Variants in GPR39 observed in about 807,000 individuals in gnomAD.
GPR39 encodes G protein-coupled receptor 39.
In GPR39, 23 loss-of-function variants were observed where a neutral mutation model predicts 18.4. The observed-to-expected ratio is 1.25, with a 90% confidence interval of 0.90 to 1.77. The LOEUF (loss-of-function observed/expected upper bound fraction) is 1.77. GPR39 is among the 40% of genes most tolerant of loss of function. The pLI, the probability that GPR39 is intolerant of heterozygous loss-of-function variation, is 0.00. For synonymous variants in GPR39, 280 were observed against 257.9 expected, an observed-to-expected ratio of 1.09 and a Z score of -0.82; for missense variants, 647 against 602.4, an observed-to-expected ratio of 1.07 and a Z score of -0.78.
intron 1 of GPR39, among the ~76,000 whole-genome samples, chr2:132,463,407 C>T (rs1680867953): frequency 6.6e-6 from 1 of 150,656 alleles, no homozygotes; most frequent in South Asian, 2.1e-4. Context: ...TTAAGATTGT[C>T]TTCCTAAGAG....
intron 1 of GPR39, among the ~76,000 whole-genome samples, chr2:132,613,862 GTA>G (rs1423302490): frequency 1.3e-5 from 2 of 152,132 alleles, no homozygotes; most frequent in Non-Finnish European, 2.9e-5. Flanking sequence ...CTTCATGATT[GTA>G]TCCCCAGTGT....
intron 1 of GPR39, chr2:132,644,815 CA>C (rs1681963833): frequency 5.3e-6 from 2 of 380,656 alleles, no homozygotes. Context: ...CCAATGAAAA[CA>C]TTTTTTTAAA....
chr2:132,619,812 C>CACACAG (rs1230200156), intron 1 of GPR39, among the ~76,000 whole-genome samples: 14 of 145,804 alleles, frequency 9.6e-5, no homozygotes, highest in Middle Eastern at 3.5e-3. Flanking sequence ...CCCCAACATA[C>CACACAG]ACACAGACAC....
At chr2:132,424,144 G>A (rs1395777669) in intron 1 of GPR39, among the ~76,000 whole-genome samples, 1 of 152,162 alleles carries the variant, frequency 6.6e-6, no homozygotes, top group African/African-American at 2.4e-5. Context: ...CTTTAACCAT[G>A]TATATCTGCC....
intron 1 of GPR39, among the ~76,000 whole-genome samples, chr2:132,466,096 A>C (rs1680922807): frequency 6.6e-6 from 1 of 152,146 alleles, no homozygotes; most frequent in Non-Finnish European, 1.5e-5. Flanking sequence ...TGAGTCATTC[A>C]TGCTTAGCAT....
chr2:132,604,990 T>TA (rs1329720358), intron 1 of GPR39: 1 of 152,240 alleles, frequency 6.6e-6, no homozygotes, highest in African/African-American at 2.4e-5. Context: ...CAAAGTGCTT[T>TA]ACATATTCAT....
At chr2:132,475,768 A>T (rs942012466) in intron 1 of GPR39, among the ~76,000 whole-genome samples, 1 of 152,224 alleles carries the variant, frequency 6.6e-6, no homozygotes, top group African/African-American at 2.4e-5. Flanking sequence ...CTATGGATAC[A>T]GAATCTTTGC....
At chr2:132,463,283 T>C (rs1680865734) in intron 1 of GPR39, among the ~76,000 whole-genome samples, 1 of 151,262 alleles carries the variant, frequency 6.6e-6, no homozygotes, top group Non-Finnish European at 1.5e-5. Flanking sequence ...GGTTTCCTTA[T>C]ACAAGGCACT....
chr2:132,584,561 ACC>A (rs1044383434), intron 1 of GPR39, among the ~76,000 whole-genome samples: 10 of 151,366 alleles, frequency 6.6e-5, no homozygotes, highest in Admixed American at 5.9e-4. Context: ...TTCTGTACCC[ACC>A]CTGAGTCCCC....
chr2:132,444,303 T>G (rs1167568130), intron 1 of GPR39, among the ~76,000 whole-genome samples: 1 of 152,168 alleles, frequency 6.6e-6, no homozygotes, highest in Non-Finnish European at 1.5e-5. Flanking sequence ...TGGGAATTTT[T>G]TTTTTTAAAG....
chr2:132,565,506 C>T (rs142743637), intron 1 of GPR39, among the ~76,000 whole-genome samples: 12,777 of 148,608 alleles, frequency 0.086, 1,886 homozygotes, highest in African/African-American at 0.3. Flanking sequence ...TCCACTAACT[C>T]GTCATCTAGC....
intron 1 of GPR39, among the ~76,000 whole-genome samples, chr2:132,524,931 G>A (rs776610030): frequency 2.6e-5 from 4 of 151,936 alleles, no homozygotes; most frequent in Admixed American, 6.6e-5. Flanking sequence ...TCTGCGAATC[G>A]CTTTATACAG....
At chr2:132,469,027 G>C (rs922430197) in intron 1 of GPR39, among the ~76,000 whole-genome samples, 1 of 152,210 alleles carries the variant, frequency 6.6e-6, no homozygotes, top group Admixed American at 6.5e-5. Flanking sequence ...CTGAATCAAG[G>C]GCAGGAGTCA....
In GPR39 at chr2:132,621,730, C is replaced by T. The variant is rs183086215; in HGVS notation, c.857-23371C>T. 6.6e-5 allele frequency among the ~76,000 whole-genome samples: 10 copies of T among 152,318 alleles called. No homozygotes were observed. The East Asian group carries it at 9.7e-4, about 15-fold the overall frequency. On this transcript the variant is annotated intron_variant, in intron 1 of 1. Coordinates refer to ENST00000329321, the MANE Select transcript of GPR39 (RefSeq NM_001508.3). ...AGCCCAGCCAGCTGGTGTCTTTGGA[C>T]AAGCCTGTTTCCCAGCTGTTAAGTG...
At chr2:132,542,956 G>A (rs1679887199) in intron 1 of GPR39, among the ~76,000 whole-genome samples, 1 of 152,184 alleles carries the variant, frequency 6.6e-6, no homozygotes, top group African/African-American at 2.4e-5. Flanking sequence ...TTACAAAGAT[G>A]CTGCTTGCCT....
chr2:132,429,354 T>C (rs1680184576), intron 1 of GPR39, among the ~76,000 whole-genome samples: 1 of 152,174 alleles, frequency 6.6e-6, no homozygotes. Flanking sequence ...GGCAAGAAAT[T>C]ATGATGCCAA....
chr2:132,617,930 A>T (rs12612822), intron 1 of GPR39, among the ~76,000 whole-genome samples: 25,348 of 152,124 alleles, frequency 0.17, 2,521 homozygotes, highest in East Asian at 0.43. Flanking sequence ...GAATTAACAG[A>T]GGCCAGCTCC....
chr2:132,509,661 G>A (rs896183020), intron 1 of GPR39, among the ~76,000 whole-genome samples: 1 of 152,176 alleles, frequency 6.6e-6, no homozygotes, highest in African/African-American at 2.4e-5. Context: ...TCATCTGTGA[G>A]TAGGTATAAT....
intron 1 of GPR39, among the ~76,000 whole-genome samples, chr2:132,574,470 C>A (rs1338466876): frequency 1.3e-5 from 2 of 152,156 alleles, no homozygotes; most frequent in Non-Finnish European, 2.9e-5. Flanking sequence ...GTGGCTCATG[C>A]CTGTAATCCC....
Sources: allele counts gnomAD v4.1 joint callset (sites outside exome capture counted in the v4.1 genomes callset), GRCh38; gene constraint gnomAD v4.1.1; transcripts MANE v1.5; gene names NCBI Gene and HGNC (gene_info 2026-07-23, HGNC 2026-07-21).